Variants in SLC25A48 observed in about 807,000 individuals in gnomAD.
SLC25A48 encodes solute carrier family 25 member 48.
A neutral mutation model predicts 32.2 loss-of-function variants in SLC25A48; 29 were observed. That is an observed-to-expected ratio of 0.90 (90% CI 0.67 to 1.23). The LOEUF is 1.23. SLC25A48 is among the 50% of genes most tolerant of loss of function. SLC25A48 has a pLI of 0.00. For missense variants in SLC25A48, 399 were observed against 422.7 expected (o/e 0.94, Z 0.49); for synonymous variants, 164 against 172.3 (o/e 0.95, Z 0.38).
At chr5:135,670,461 G>A (rs1753629668) in intron 3 of SLC25A48, among the ~76,000 whole-genome samples, 1 of 152,220 alleles carries the variant, frequency 6.6e-6, no homozygotes, top group Non-Finnish European at 1.5e-5. Flanking sequence ...TGGAGCATGG[G>A]CTTTGCAACC....
chr5:135,717,927 T>C (rs551006501), intron 3 of SLC25A48, among the ~76,000 whole-genome samples: 1 of 152,330 alleles, frequency 6.6e-6, no homozygotes, highest in African/African-American at 2.4e-5. Context: ...CTCTCCTCTC[T>C]GCTTGTCTCT....
chr5:135,676,249 A>T (rs963769135), intron 3 of SLC25A48, among the ~76,000 whole-genome samples: 11 of 151,682 alleles, frequency 7.3e-5, no homozygotes, highest in Non-Finnish European at 1.5e-5. Flanking sequence ...TGTTTCCTCT[A>T]GGTTTTCTAG....
chr5:135,850,275 G>C (rs1759734730), intron 2 of SLC25A48, 150 bp from the exon 3 acceptor site: 2 of 686,480 alleles, frequency 2.9e-6, no homozygotes, highest in East Asian at 5.2e-5. Context: ...GTGCAAGCTG[G>C]AGACAGGGCA....
intron 7 of SLC25A48, chr5:135,883,457 T>A: frequency 1.0e-6 from 1 of 985,478 alleles, no homozygotes; most frequent in Non-Finnish European, 1.2e-6. Flanking sequence ...CCTCTTCACA[T>A]TGTTTCTCTG....
chr5:135,775,880 G>T (rs992320333), intron 3 of SLC25A48, among the ~76,000 whole-genome samples: 1 of 151,534 alleles, frequency 6.6e-6, no homozygotes, highest in East Asian at 1.9e-4. Flanking sequence ...TAACCGGGGA[G>T]GGGGGAGATG....
At chr5:135,793,696 T>C (rs1204265921) in intron 3 of SLC25A48, among the ~76,000 whole-genome samples, 3 of 151,732 alleles carry the variant, frequency 2.0e-5, no homozygotes, top group Admixed American at 1.3e-4. Flanking sequence ...TTATTTGTAA[T>C]ATCCTGGGGA....
Position 135,871,633 on chromosome 5 carries a change from C to T in SLC25A48, c.594C>T (p.Pro198=). Residue 198 remains proline (P), a synonymous_variant, in exon 5 of 8, where the codon CCC becomes CCT. Coordinates refer to ENST00000681962, the MANE Select transcript of SLC25A48 (RefSeq NM_001349336.2). ...DVPGYCLYFI[P]YVFLSEWITP... is the part of the protein sequence containing the mutation. Reference sequence around the variant, plus strand: ...CAGGCTATTGCCTCTACTTCATCCCCTACGTGTTCCTGAGTGAGTGGATCA... The same window carrying T: ...CAGGCTATTGCCTCTACTTCATCCCTTACGTGTTCCTGAGTGAGTGGATCA... 1 of 1,614,194 alleles carries T rather than the reference C, an allele frequency of 6.2e-7. No homozygotes were observed. The highest frequency in any genetic ancestry group is 8.5e-7 in the Non-Finnish European group (1 of 1,180,016).
intron 3 of SLC25A48, among the ~76,000 whole-genome samples, chr5:135,702,498 C>T (rs1754416776): frequency 6.6e-6 from 1 of 152,370 alleles, no homozygotes; most frequent in Admixed American, 6.5e-5. Flanking sequence ...AGCGTGAACA[C>T]GGCCCTGCCA....
intron 3 of SLC25A48, among the ~76,000 whole-genome samples, chr5:135,727,175 A>G (rs1263215294): frequency 1.7e-5 from 2 of 115,946 alleles, no homozygotes; most frequent in African/African-American, 5.9e-5. Context: ...TTACATATAT[A>G]GCCACAGGCT....
chr5:135,762,095 G>A (rs1401414640), intron 3 of SLC25A48, among the ~76,000 whole-genome samples: 1 of 152,266 alleles, frequency 6.6e-6, no homozygotes, highest in Non-Finnish European at 1.5e-5. Flanking sequence ...GTGCTGTTCT[G>A]TAGAAATGTA....
At chr5:135,646,452 C>G (rs372247837) in intron 3 of SLC25A48, among the ~76,000 whole-genome samples, 1 of 151,964 alleles carries the variant, frequency 6.6e-6, no homozygotes, top group South Asian at 2.1e-4. Context: ...GAGCCACCAC[C>G]TCCTGGCCAC....
chr5:135,711,544 T>G (rs963127457), intron 3 of SLC25A48, among the ~76,000 whole-genome samples: 2 of 152,184 alleles, frequency 1.3e-5, no homozygotes, highest in African/African-American at 2.4e-5. Context: ...GCTAGATTCA[T>G]GTTATTTGGA....
chr5:135,797,702 T>A (rs1757221454), intron 3 of SLC25A48, among the ~76,000 whole-genome samples: 1 of 151,598 alleles, frequency 6.6e-6, no homozygotes, highest in African/African-American at 2.4e-5. Flanking sequence ...TTATTACAAA[T>A]ATTGCAGAAA....
In SLC25A48 at chr5:135,782,517, C is replaced by T. The variant is rs541502008; in HGVS notation, c.-520-30006C>T. 3.2e-4 allele frequency among the ~76,000 whole-genome samples: 37 copies of T among 116,580 alleles called. 6 individuals carry two copies. The highest frequency in any genetic ancestry group is 7.5e-4 in the African/African-American group (29 of 38,440). The allele number at this position is 116,580 out of a possible 152,430, so 76.5% of individuals were successfully genotyped here. A position where few individuals can be genotyped will look rare whatever the true frequency, so the allele number is the denominator to read the frequency against. On this transcript the variant is annotated intron_variant, in intron 3 of 10. Transcript: ENST00000646290. ...GTACAACATCCCTGAGATTTTATTC[C>T]TAATATCCAGGGAAGGAGAGGATGA...
At chr5:135,776,864 T>C (rs1756577866) in intron 3 of SLC25A48, among the ~76,000 whole-genome samples, 1 of 151,782 alleles carries the variant, frequency 6.6e-6, no homozygotes, top group Non-Finnish European at 1.5e-5. Flanking sequence ...CAAACCCCTG[T>C]AATGTTGTTT....
intron 1 of SLC25A48, among the ~76,000 whole-genome samples, chr5:135,841,714 G>T (rs1030153888): frequency 4.0e-5 from 6 of 150,944 alleles, no homozygotes; most frequent in Non-Finnish European, 7.4e-5. Flanking sequence ...TGTGGGTGGG[G>T]GGTATAAAAC....
chr5:135,872,907 G>T (rs183646334), intron 5 of SLC25A48, among the ~76,000 whole-genome samples: 1 of 152,206 alleles, frequency 6.6e-6, no homozygotes, highest in Non-Finnish European at 1.5e-5. Context: ...TGGCCCCCAG[G>T]TGCCTGTGCT....
At chr5:135,856,821 A>G (rs1049090545) in intron 4 of SLC25A48, among the ~76,000 whole-genome samples, 1 of 152,238 alleles carries the variant, frequency 6.6e-6, no homozygotes, top group Non-Finnish European at 1.5e-5. Flanking sequence ...TGTCATGAGC[A>G]GGCTGAGAAC....
intron 3 of SLC25A48, chr5:135,671,615 C>T (rs989897062): frequency 2.6e-5 from 4 of 152,204 alleles, no homozygotes; most frequent in Non-Finnish European, 5.9e-5. Flanking sequence ...GCCCCATTAA[C>T]ATTTGATGAA....
Sources: allele counts gnomAD v4.1 joint callset (sites outside exome capture counted in the v4.1 genomes callset), GRCh38; gene constraint gnomAD v4.1.1; transcripts MANE v1.5; gene names NCBI Gene and HGNC (gene_info 2026-07-23, HGNC 2026-07-21).